CMTM4: variants seen among roughly 807,000 people sequenced by gnomAD.
CMTM4 encodes the protein CKLF like MARVEL transmembrane domain containing 4.
In CMTM4, 8 loss-of-function variants were observed where a neutral mutation model predicts 19.0. The ratio of observed to expected loss-of-function variants is 0.42; its 90% CI spans 0.25 to 0.76. The LOEUF (loss-of-function observed/expected upper bound fraction) is 0.76. CMTM4 is among the 30% of genes least tolerant of loss of function. The pLI, the probability that CMTM4 is intolerant of heterozygous loss-of-function variation, is 0.27. For missense variants in CMTM4, 228 were observed against 290.2 expected (o/e 0.79, Z 1.56); for synonymous variants, 106 against 121.1 (o/e 0.88, Z 0.82).
At chr16:66,649,593 C>T (rs1365153244) in intron 1 of CMTM4, among the ~76,000 whole-genome samples, 1 of 152,032 alleles carries the variant, frequency 6.6e-6, no homozygotes, top group Non-Finnish European at 1.5e-5. Context: ...CTTATATCAC[C>T]TGGTGTCCTG....
At chr16:66,626,724 T>C (rs2015747100) in intron 2 of CMTM4, among the ~76,000 whole-genome samples, 1 of 149,134 alleles carries the variant, frequency 6.7e-6, no homozygotes, top group Non-Finnish European at 1.5e-5. Flanking sequence ...GAGCCCAGAT[T>C]GCGCCACTGC....
intron 1 of CMTM4, among the ~76,000 whole-genome samples, chr16:66,687,779 C>T (rs1274029911): frequency 1.3e-5 from 2 of 151,418 alleles, no homozygotes; most frequent in Non-Finnish European, 2.9e-5. Flanking sequence ...GCTCCGCCTC[C>T]TGGGTTCACG....
At chr16:66,683,286 CTTT>C (rs781263895) in intron 1 of CMTM4, among the ~76,000 whole-genome samples, 1 of 78,838 alleles carries the variant, frequency 1.3e-5, no homozygotes, top group Non-Finnish European at 2.4e-5. Flanking sequence ...TTTTTCTTTT[CTTT>C]TTTTTTTTTT....
intron 1 of CMTM4, among the ~76,000 whole-genome samples, chr16:66,640,490 G>A (rs749789344): frequency 6.6e-6 from 1 of 152,078 alleles, no homozygotes; most frequent in Non-Finnish European, 1.5e-5. Context: ...CAGGAGGGAG[G>A]TCAGACCCAA....
chr16:66,670,430 ACT>A (rs2016681849), intron 1 of CMTM4, among the ~76,000 whole-genome samples: 1 of 114,254 alleles, frequency 8.8e-6, no homozygotes, highest in African/African-American at 3.9e-5. Flanking sequence ...ACAGAGCAAG[ACT>A]CTGTCTCAAA....
chr16:66,637,540 A>G (rs902139697), intron 1 of CMTM4, among the ~76,000 whole-genome samples: 2 of 152,174 alleles, frequency 1.3e-5, no homozygotes, highest in Non-Finnish European at 2.9e-5. Flanking sequence ...ACGAAATTCC[A>G]TCTCAAAAAA....
Position 66,683,570 on chromosome 16 carries a change from C to T in CMTM4, c.186+12770G>A, listed in dbSNP as rs181372154. Among the ~76,000 whole-genome samples the T allele has an allele frequency of 3.0e-3, 455 of 151,894 alleles. 2 individuals are homozygous for T. The highest frequency in any genetic ancestry group is 4.9e-3 in the Non-Finnish European group (335 of 67,960). On this transcript the variant is annotated intron_variant, in intron 1 of 3. Coordinates refer to ENST00000394106, the MANE Select transcript of CMTM4 (RefSeq NM_181521.3). Reference sequence around the variant, plus strand: ...TCTCCCAAAGTGCTGGGAGCTACCACGCCCGGCCCATTTTTTTTCTTTTAT... The same window carrying T: ...TCTCCCAAAGTGCTGGGAGCTACCATGCCCGGCCCATTTTTTTTCTTTTAT...
chr16:66,684,212 G>A (rs1009575355), intron 1 of CMTM4, among the ~76,000 whole-genome samples: 5 of 151,830 alleles, frequency 3.3e-5, no homozygotes, highest in Non-Finnish European at 7.4e-5. Context: ...TCCCTCTGTC[G>A]CCCAGGCTGG....
intron 2 of CMTM4, among the ~76,000 whole-genome samples, chr16:66,632,988 G>A (rs1296293312): frequency 6.6e-6 from 1 of 151,402 alleles, no homozygotes. Flanking sequence ...GGGAGGCTGA[G>A]GCAGGAGAAT....
intron 1 of CMTM4, among the ~76,000 whole-genome samples, chr16:66,670,187 C>T (rs1297691704): frequency 6.6e-6 from 1 of 151,764 alleles, no homozygotes; most frequent in African/African-American, 2.4e-5. Context: ...TGGCTCACGC[C>T]TGTAATCCCA....
chr16:66,673,066 C>T (rs1309399026), intron 1 of CMTM4, among the ~76,000 whole-genome samples: 3 of 143,674 alleles, frequency 2.1e-5, no homozygotes, highest in African/African-American at 5.2e-5. Context: ...CGCGCCACCA[C>T]ACCAATTTTT....
intron 2 of CMTM4, among the ~76,000 whole-genome samples, chr16:66,633,130 T>TAAATATATATATATATAA (rs2015914963): frequency 7.0e-6 from 1 of 142,970 alleles, no homozygotes; most frequent in Non-Finnish European, 1.5e-5. Flanking sequence ...TATATATATA[T>TAAATATATATATATATAA]AAATATATAT....
chr16:66,617,404 A>G lies in CMTM4; in HGVS notation c.*4654T>C, dbSNP rs78010692. The G allele has an allele frequency of 0.021, 33,009 of 1,594,568 alleles. 420 individuals are homozygous for G. The highest frequency in any genetic ancestry group is 0.026 in the Non-Finnish European group (29,817 of 1,169,136). On this transcript the variant is annotated 3_prime_UTR_variant, in exon 4 of 4. Transcript: ENST00000394106. ...CCAAAGGTTGAAAAACTGTATCCAAATGGAAAAAGAATATATTCCAGACAA... is the reference window on the plus strand; with the variant it reads ...CCAAAGGTTGAAAAACTGTATCCAAGTGGAAAAAGAATATATTCCAGACAA...
chr16:66,623,008 C>CT (rs2015668344), intron 3 of CMTM4, among the ~76,000 whole-genome samples: 1 of 152,216 alleles, frequency 6.6e-6, no homozygotes, highest in Non-Finnish European at 1.5e-5. Flanking sequence ...TGTCATGTGA[C>CT]TGCTAAATGG....
chr16:66,673,939 C>T (rs2144887261), intron 1 of CMTM4, among the ~76,000 whole-genome samples: 1 of 152,322 alleles, frequency 6.6e-6, no homozygotes, highest in Non-Finnish European at 1.5e-5. Context: ...GGGCCATGGC[C>T]ACTGCATTCC....
chr16:66,682,705 G>A (rs1369485815), intron 1 of CMTM4, among the ~76,000 whole-genome samples: 1 of 151,908 alleles, frequency 6.6e-6, no homozygotes, highest in African/African-American at 2.4e-5. Flanking sequence ...CTCATGGAAC[G>A]GTTGTTCTTT....
intron 1 of CMTM4, among the ~76,000 whole-genome samples, chr16:66,657,938 T>A (rs58179038): frequency 0.043 from 6,576 of 152,232 alleles, 268 homozygotes; most frequent in East Asian, 0.16. Context: ...TAGAAAATCA[T>A]TGGCCAGGCT....
chr16:66,647,221 G>C (rs554980011), intron 1 of CMTM4, among the ~76,000 whole-genome samples: 1 of 151,486 alleles, frequency 6.6e-6, no homozygotes, highest in African/African-American at 2.4e-5. Flanking sequence ...CTACTCAGGA[G>C]GCTGAGGCAG....
In CMTM4 at chr16:66,621,287, G is replaced by C; in HGVS notation, c.*771C>G. ...CTTGTTTCTTTCATGGCTTTTACCT[G>C]AGAAGGTAAAATGACTGAAAATCTG... On this transcript the variant is annotated 3_prime_UTR_variant, in exon 4 of 4. Coordinates refer to ENST00000394106, the MANE Select transcript of CMTM4 (RefSeq NM_181521.3). 2.0e-6 allele frequency: 2 copies of C among 985,536 alleles called. No homozygotes were observed. Among genetic ancestry groups the C allele is most frequent in the Non-Finnish European group, 2.4e-6 (2 of 829,928 alleles). The allele number at this position is 985,536 out of a possible 1,614,324, so 61.0% of individuals were successfully genotyped here.
Sources: allele counts gnomAD v4.1 joint callset (sites outside exome capture counted in the v4.1 genomes callset), GRCh38; gene constraint gnomAD v4.1.1; transcripts MANE v1.5; gene names NCBI Gene and HGNC (gene_info 2026-07-23, HGNC 2026-07-21).